Variants in LRRC7 observed in about 807,000 individuals in gnomAD.
LRRC7 encodes the protein leucine-rich repeat-containing protein 7.
LRRC7 carries 23 observed loss-of-function variants against 175.7 expected under a neutral mutation model. The ratio of observed to expected loss-of-function variants is 0.13; its 90% CI spans 0.09 to 0.19. The LOEUF (loss-of-function observed/expected upper bound fraction) is 0.19, where lower values mean the gene tolerates loss of function less well. Among genes scored for constraint, LRRC7 ranks in the 10% least tolerant of loss-of-function variants. The pLI, the probability that LRRC7 is intolerant of heterozygous loss-of-function variation, is 1.00. For missense variants in LRRC7, 1,354 were observed against 1,904.7 expected (o/e 0.71, Z 5.38); for synonymous variants, 685 against 680.9 (o/e 1.01, Z -0.09).
chr1:69,888,497 C>T (rs1209472773), intron 7 of LRRC7, among the ~76,000 whole-genome samples: 4 of 152,166 alleles, frequency 2.6e-5, no homozygotes, highest in Non-Finnish European at 5.9e-5. Flanking sequence ...CGCGCACCCA[C>T]TGACCTGCAC....
At chr1:69,872,820 A>G (rs1400354707) in intron 7 of LRRC7, among the ~76,000 whole-genome samples, 2 of 152,136 alleles carry the variant, frequency 1.3e-5, no homozygotes, top group Non-Finnish European at 1.5e-5. Context: ...GTTCTTCTAC[A>G]GTTTGTTCAT....
At chr1:69,850,767 G>T (rs1682887502) in intron 7 of LRRC7, among the ~76,000 whole-genome samples, 1 of 152,028 alleles carries the variant, frequency 6.6e-6, no homozygotes, top group South Asian at 2.1e-4. Flanking sequence ...GAGGGGAATT[G>T]GGAATTTGAT....
chr1:69,794,998 C>T (rs545290277), intron 4 of LRRC7, among the ~76,000 whole-genome samples: 1 of 152,268 alleles, frequency 6.6e-6, no homozygotes, highest in East Asian at 1.9e-4. Context: ...GTACTATAGG[C>T]TTGATGAGTA....
chr1:70,106,873 C>T (rs1665181818), intron 25 of LRRC7, among the ~76,000 whole-genome samples: 1 of 152,212 alleles, frequency 6.6e-6, no homozygotes, highest in Non-Finnish European at 1.5e-5. Context: ...GGTATCTTCT[C>T]CTCTTGGAAG....
intron 8 of LRRC7, among the ~76,000 whole-genome samples, chr1:69,933,180 A>G (rs889247781): frequency 6.6e-6 from 1 of 152,148 alleles, no homozygotes; most frequent in Non-Finnish European, 1.5e-5. Context: ...GAGAGACACC[A>G]AGTAAAGCTG....
At position 70,136,789 on chromosome 1, in the gene LRRC7, G is replaced by T. The variant is rs1453181878; in HGVS notation, c.*14902G>T. Among the ~76,000 whole-genome samples the T allele has an allele frequency of 6.9e-6, 1 of 144,600 alleles. No homozygotes were observed. The highest frequency in any genetic ancestry group is 1.5e-5 in the Non-Finnish European group (1 of 67,008). The allele number at this position is 144,600 out of a possible 152,430, so 94.9% of individuals were successfully genotyped here. ...CTGTCACCCAGGTTGGAGTGCAGTG[G>T]CATGATCATGGCCCACTGCAGCCTT... On this transcript the variant is annotated 3_prime_UTR_variant, in exon 27 of 27. Coordinates refer to ENST00000651989, the MANE Select transcript of LRRC7 (RefSeq NM_001370785.2).
chr1:69,582,515 A>G (rs1646240371), intron 1 of LRRC7, among the ~76,000 whole-genome samples: 1 of 152,166 alleles, frequency 6.6e-6, no homozygotes, highest in South Asian at 2.1e-4. Flanking sequence ...CACACATAGC[A>G]TATTTTAGGT....
At chr1:70,008,273 G>T (rs1370365803) in intron 11 of LRRC7, among the ~76,000 whole-genome samples, 3 of 152,178 alleles carry the variant, frequency 2.0e-5, no homozygotes, top group African/African-American at 7.2e-5. Flanking sequence ...GTTCCCACCA[G>T]ATTAAGGGTG....
chr1:69,715,424 G>C (rs1304684461), intron 2 of LRRC7, among the ~76,000 whole-genome samples: 1 of 151,966 alleles, frequency 6.6e-6, no homozygotes, highest in African/African-American at 2.4e-5. Flanking sequence ...TCAACCATGG[G>C]ATAATAAATG....
chr1:69,701,499 A>C (rs982852790), intron 2 of LRRC7, among the ~76,000 whole-genome samples: 1 of 151,998 alleles, frequency 6.6e-6, no homozygotes, highest in African/African-American at 2.4e-5. Flanking sequence ...ATTTTCATTT[A>C]AAAAAAACCA....
intron 24 of LRRC7, among the ~76,000 whole-genome samples, chr1:70,084,765 G>T (rs1042986514): frequency 6.6e-6 from 1 of 152,068 alleles, no homozygotes; most frequent in African/African-American, 2.4e-5. Flanking sequence ...TATTAATTCC[G>T]AACAGCAATG....
At position 69,795,685 on chromosome 1, in the gene LRRC7, C is replaced by T. The variant is rs147836866; in HGVS notation, c.421+3525C>T. 1.8e-3 allele frequency among the ~76,000 whole-genome samples: 270 copies of T among 152,088 alleles called. 3 individuals carry two copies. The highest frequency in any genetic ancestry group is 6.0e-3 in the African/African-American group (249 of 41,486). ...ATGTGCTTAAATTAGATGAGTGACC[C>T]CTTAAAGAAATTAATTCACTCTAAG... On this transcript the variant is annotated intron_variant, in intron 4 of 26. Transcript: ENST00000651989.
intron 2 of LRRC7, among the ~76,000 whole-genome samples, chr1:69,727,721 G>T (rs763685060): frequency 6.6e-6 from 1 of 152,208 alleles, no homozygotes; most frequent in Non-Finnish European, 1.5e-5. Flanking sequence ...AAGGCTCAGA[G>T]TGTATTGAAG....
chr1:69,579,771 G>A (rs1256410231), intron 1 of LRRC7, among the ~76,000 whole-genome samples: 1 of 151,214 alleles, frequency 6.6e-6, no homozygotes, highest in African/African-American at 2.4e-5. Flanking sequence ...GCTAAGGTAA[G>A]GAGTGTCTCT....
intron 2 of LRRC7, among the ~76,000 whole-genome samples, chr1:69,720,522 A>G (rs1276831059): frequency 3.3e-5 from 5 of 151,586 alleles, no homozygotes; most frequent in Non-Finnish European, 7.4e-5. Context: ...TTCCATTGTC[A>G]TTCATTTCTT....
chr1:69,882,163 C>A (rs1557846248), intron 7 of LRRC7, among the ~76,000 whole-genome samples: 1 of 151,954 alleles, frequency 6.6e-6, no homozygotes, highest in Non-Finnish European at 1.5e-5. Flanking sequence ...AAATGCAAAT[C>A]AAAGCCATGA....
intron 1 of LRRC7, among the ~76,000 whole-genome samples, chr1:69,621,601 G>T (rs1191589984): frequency 6.6e-6 from 1 of 152,026 alleles, no homozygotes; most frequent in Non-Finnish European, 1.5e-5. Context: ...CTAGAATAAG[G>T]TCTTTATTTT....
chr1:69,808,731 T>A (rs192316774), intron 4 of LRRC7, among the ~76,000 whole-genome samples: 1 of 152,086 alleles, frequency 6.6e-6, no homozygotes, highest in African/African-American at 2.4e-5. Flanking sequence ...AAAGACACAA[T>A]GTACCATAAT....
chr1:69,757,339 G>A (rs58064908), intron 2 of LRRC7, among the ~76,000 whole-genome samples: 3,141 of 151,994 alleles, frequency 0.021, 119 homozygotes, highest in African/African-American at 0.072. Flanking sequence ...AGGCTATGAG[G>A]TATCTAATTA....
Sources: allele counts gnomAD v4.1 joint callset (sites outside exome capture counted in the v4.1 genomes callset), GRCh38; gene constraint gnomAD v4.1.1; transcripts MANE v1.5; gene names NCBI Gene and HGNC (gene_info 2026-07-23, HGNC 2026-07-21).